PNPLA5: variants seen among roughly 807,000 people sequenced by gnomAD.
The protein encoded by PNPLA5 is patatin-like phospholipase domain-containing protein 5.
Under a neutral mutation model 49.1 loss-of-function variants are expected in PNPLA5, and 44 were observed. That is an observed-to-expected ratio of 0.90 (90% confidence interval 0.70 to 1.15). The LOEUF is 1.15. PNPLA5 is among the 50% of genes most tolerant of loss of function. The probability of loss-of-function intolerance (pLI) is 0.00; values close to 1 mark genes in which losing one functional copy is unlikely to be tolerated. For synonymous variants in PNPLA5, 243 were observed against 244.4 expected, an observed-to-expected ratio of 0.99 and a Z score of 0.06; for missense variants, 603 against 564.0, an observed-to-expected ratio of 1.07 and a Z score of -0.70.
chr22:43,886,399 G>A lies in PNPLA5; in HGVS notation c.853C>T (p.Arg285Cys), dbSNP rs571166215. Residue 285 changes from arginine (R) to cysteine (C), a missense_variant, in exon 6 of 9, where the codon CGC (arginine) becomes TGC (cysteine). Arg to Cys is a radical substitution (Grantham distance 180). Coordinates refer to ENST00000216177, the MANE Select transcript of PNPLA5 (RefSeq NM_138814.4). The stretch of plus-strand genomic sequence containing the variant: ...TTGAGAGACAGGCCCCCCTTCCAGC[G>A]TTGGTCACAGCCAGCATCCCAGTTT... Reference protein sequence around the residue: ...DGNWDAGCDQRWKGGLSLNWK... With the variant: ...DGNWDAGCDQCWKGGLSLNWK... 136 of 1,614,140 alleles carry A rather than the reference G, an allele frequency of 8.4e-5. 1 individual carries two copies. The East Asian group carries it at 1.8e-3, about 22-fold the overall frequency.
chr22:43,891,382 G>A, intron 1 of PNPLA5, 88 bp from the exon 2 acceptor site: 2 of 1,450,988 alleles, frequency 1.4e-6, no homozygotes, highest in Non-Finnish European at 1.8e-6. Context: ...AGGTGCAGTG[G>A]GAGCGGGGTC....
intron 6 of PNPLA5, 170 bp from the exon 7 acceptor site, chr22:43,884,515 G>A (rs1227654510): frequency 1.1e-5 from 7 of 627,952 alleles, no homozygotes; most frequent in Middle Eastern, 7.8e-4. Flanking sequence ...TGCGCTCATC[G>A]TTGTCCGTGA....
intron 1 of PNPLA5, 42 bp downstream of exon 1, chr22:43,891,646 A>AAAG (rs2049724439): frequency 2.7e-6 from 4 of 1,501,660 alleles, no homozygotes; most frequent in Non-Finnish European, 3.5e-6. Context: ...GCTTTCATTA[A>AAAG]GCTGTCCCCG....
chr22:43,882,389 C>T (rs984632694), intron 7 of PNPLA5, among the ~76,000 whole-genome samples: 4 of 152,218 alleles, frequency 2.6e-5, no homozygotes, highest in African/African-American at 9.6e-5. Context: ...CCGGACACCT[C>T]AGACACTGGC....
At chr22:43,886,605 CG>C (rs1195372230) in intron 5 of PNPLA5, 117 bp from the exon 6 acceptor site, 5 of 1,462,800 alleles carry the variant, frequency 3.4e-6, no homozygotes, top group Non-Finnish European at 4.5e-6. Flanking sequence ...TGCTGTGGGA[CG>C]GACCCACAGC....
intron 1 of PNPLA5, 27 bp downstream of exon 1, chr22:43,891,661 T>A (rs1247725878): frequency 1.5e-5 from 23 of 1,523,688 alleles, no homozygotes; most frequent in Non-Finnish European, 1.9e-5. Flanking sequence ...TCCCCGCCCC[T>A]TTTCGCCCCC....
intron 2 of PNPLA5, 123 bp downstream of exon 2, chr22:43,890,939 G>C: frequency 1.6e-6 from 2 of 1,288,170 alleles, no homozygotes; most frequent in Non-Finnish European, 2.1e-6. Flanking sequence ...CCTACAAACA[G>C]GTCCACCCGC....
chr22:43,884,111 C>T (rs2049637442), intron 7 of PNPLA5, 102 bp downstream of exon 7: 10 of 898,826 alleles, frequency 1.1e-5, no homozygotes, highest in Admixed American at 2.9e-5. Flanking sequence ...CCCCCCACCC[C>T]GCCGAGCCCT....
At position 43,885,192 on chromosome 22, in the gene PNPLA5, G is replaced by T. The variant is rs551826658; in HGVS notation, c.950-847C>A. Among the ~76,000 whole-genome samples, 35 of 152,328 alleles carry T rather than the reference G, an allele frequency of 2.3e-4. 1 individual carries two copies. The South Asian group carries it at 7.3e-3, about 32-fold the overall frequency. ...CTCTGGTGCCCCCGTGTGGCTACAG[G>T]TACACTGCCGGGTTCCAGAATCCCA... On this transcript the variant is annotated intron_variant, in intron 6 of 8. Coordinates refer to ENST00000216177, the MANE Select transcript of PNPLA5 (RefSeq NM_138814.4).
In PNPLA5 at chr22:43,891,700, C is replaced by T. The variant is rs1486941467; in HGVS notation, c.181G>A (p.Gly61Ser). 1.9e-6 allele frequency: 3 copies of T among 1,547,032 alleles called. No homozygotes were observed. The highest frequency in any genetic ancestry group is 1.4e-5 in the African/African-American group (1 of 72,538). Residue 61 changes from glycine (G) to serine (S), a missense_variant, in exon 1 of 9, where the codon GGC becomes AGC. Coordinates refer to ENST00000216177, the MANE Select transcript of PNPLA5 (RefSeq NM_138814.4). ...GTCCGGGACTCACCGACCGACTTGC[C>T]GCAGACGATGCTGACTGCGTTGAGC... ...GALNAVSIVC[G>S]KSVDFCCSHL...
At chr22:43,884,077 C>T in intron 7 of PNPLA5, 136 bp downstream of exon 7, 1 of 733,218 alleles carries the variant, frequency 1.4e-6, no homozygotes, top group Non-Finnish European at 2.2e-6. Flanking sequence ...CAACACCACA[C>T]AGTGTGGGGA....
In PNPLA5 at chr22:43,880,747, G is replaced by T; in HGVS notation, c.*48C>A. 7.8e-7 allele frequency: 1 copy of T among 1,287,994 alleles called. No individual in the cohort carries two copies. Among genetic ancestry groups the T allele is most frequent in the Admixed American group, 4.0e-5 (1 of 24,806 alleles). The allele number at this position is 1,287,994 out of a possible 1,614,324, so 79.8% of individuals were successfully genotyped here. On this transcript the variant is annotated 3_prime_UTR_variant, in exon 9 of 9. Coordinates refer to ENST00000216177, the MANE Select transcript of PNPLA5 (RefSeq NM_138814.4). Reference sequence around the variant, plus strand: ...GTGGGCACACAGGACAAAGGCCAGAGCAGGAATCAAGGGACACCAGTCACT... The same window carrying T: ...GTGGGCACACAGGACAAAGGCCAGATCAGGAATCAAGGGACACCAGTCACT...
intron 6 of PNPLA5, among the ~76,000 whole-genome samples, chr22:43,885,135 G>A (rs751691817): frequency 2.4e-4 from 37 of 152,344 alleles, no homozygotes; most frequent in African/African-American, 4.6e-4. Flanking sequence ...AGGGCGCAGC[G>A]CCCAGGAGTT....
At chr22:43,888,059 T>C (rs1057130118) in intron 4 of PNPLA5, among the ~76,000 whole-genome samples, 45 of 152,214 alleles carry the variant, frequency 3.0e-4, no homozygotes, top group African/African-American at 1.0e-3. Context: ...CTTCGATGTT[T>C]ACTTCCAGTA....
At chr22:43,887,858 G>C (rs1457355482) in intron 4 of PNPLA5, 19 of 763,454 alleles carry the variant, frequency 2.5e-5, no homozygotes, top group Non-Finnish European at 3.0e-5. Flanking sequence ...AGGCAGAACA[G>C]ATCTGCTTGG....
chr22:43,884,835 C>T (rs2049645830), intron 6 of PNPLA5, among the ~76,000 whole-genome samples: 1 of 152,234 alleles, frequency 6.6e-6, no homozygotes, highest in South Asian at 2.1e-4. Context: ...TGGAAGGGAC[C>T]AGCATCTGGG....
rs1419726677 is a variant in PNPLA5 at position 43,889,451 on chromosome 22, C to T, written c.580G>A (p.Asp194Asn). The T allele has an allele frequency of 3.1e-6, 5 of 1,614,068 alleles. No individual in the cohort carries two copies. Among genetic ancestry groups the T allele is most frequent in the Non-Finnish European group, 4.2e-6 (5 of 1,180,016 alleles). Residue 194 changes from aspartate to asparagine, a missense_variant, in exon 4 of 9, where the codon GAC (aspartate) becomes AAC (asparagine). Coordinates refer to ENST00000216177, the MANE Select transcript of PNPLA5 (RefSeq NM_138814.4). ...GGGGAGGTGCTCTGGGGGCAGATGT[C>T]CACTGTCCCATGGAAGGGCGACACC... The part of the protein sequence containing the change: ...ITVSPFHGTV[D>N]ICPQSTSPNL...
At chr22:43,881,411 T>C (rs924866267) in intron 8 of PNPLA5, 147 bp downstream of exon 8, 4 of 791,056 alleles carry the variant, frequency 5.1e-6, no homozygotes, top group Non-Finnish European at 8.0e-6. Context: ...CACGTGCCAA[T>C]GGCTGCATGA....
rs147520047 is a variant in PNPLA5 at position 43,880,731 on chromosome 22, C to T, written c.*64G>A. 1.3e-5 allele frequency: 16 copies of T among 1,250,420 alleles called. No individual in the cohort carries two copies. The highest frequency in any genetic ancestry group is 1.6e-5 in the Non-Finnish European group (16 of 988,688). 77.5% of individuals were successfully genotyped at this position (1,250,420 alleles called of 1,614,324 possible). ...TCCCGCTGGGGCAGATGTGGGCACACAGGACAAAGGCCAGAGCAGGAATCA... is the reference window on the plus strand; with the variant it reads ...TCCCGCTGGGGCAGATGTGGGCACATAGGACAAAGGCCAGAGCAGGAATCA... On this transcript the variant is annotated 3_prime_UTR_variant, in exon 9 of 9. Transcript: ENST00000216177.
Sources: allele counts gnomAD v4.1 joint callset (sites outside exome capture counted in the v4.1 genomes callset), GRCh38; gene constraint gnomAD v4.1.1; transcripts MANE v1.5; gene names NCBI Gene and HGNC (gene_info 2026-07-23, HGNC 2026-07-21).